The following QTRT2 variants were observed in gnomAD, a reference collection of about 807,000 sequenced individuals.
QTRT2 encodes the protein queuine tRNA-ribosyltransferase domain containing 1.
A neutral mutation model predicts 44.8 loss-of-function variants in QTRT2; 32 were observed. The observed-to-expected ratio is 0.71, with a 90% CI of 0.54 to 0.96. QTRT2 has a LOEUF of 0.96. Ranked by LOEUF, QTRT2 falls within the 40% of genes least tolerant of loss-of-function variation. The probability of loss-of-function intolerance (pLI) is 0.00; values close to 1 mark genes in which losing one functional copy is unlikely to be tolerated. For synonymous variants in QTRT2, 182 were observed against 187.4 expected (o/e 0.97, Z 0.24); for missense variants, 461 against 503.1 (o/e 0.92, Z 0.80).
rs558877598 is a variant in QTRT2, at chr3:114,086,388, G to A, written c.*484G>A. The A allele has an allele frequency of 9.0e-5, 15 of 167,136 alleles. No homozygotes were observed. The highest frequency in any genetic ancestry group is 1.6e-4 in the Non-Finnish European group (12 of 75,572). The allele number at this position is 167,136 out of a possible 1,614,324, so 10.4% of individuals were successfully genotyped here. A position where few individuals can be genotyped will look rare whatever the true frequency, so the allele number is the denominator to read the frequency against. Reference sequence around the variant, plus strand: ...TCAGGAGACTCTTCTGGATACTTTTGTCTTCCACCCTGCCCTGGCAGTGCA... The same window carrying A: ...TCAGGAGACTCTTCTGGATACTTTTATCTTCCACCCTGCCCTGGCAGTGCA... On this transcript the variant is annotated 3_prime_UTR_variant, in exon 10 of 10. Transcript: ENST00000281273.
Position 114,070,752 on chromosome 3 carries a change from G to A in QTRT2, c.460G>A (p.Ala154Thr), listed in dbSNP as rs753626152. The A allele has an allele frequency of 1.9e-6, 3 of 1,613,896 alleles. No homozygotes were observed. The highest frequency in any genetic ancestry group is 1.1e-5 in the South Asian group (1 of 91,082). The change falls in exon 6 of 10, where the codon GCA becomes ACA. Residue 154 changes from alanine (A) to threonine (T), a missense_variant. Coordinates refer to ENST00000281273, the MANE Select transcript of QTRT2 (RefSeq NM_024638.4). Reference sequence around the variant, plus strand: ...CGATGGAGAAGTATCTTGTAAGGAAGCAACTTCCATAAAAAGGGTCAGAAA... The same window carrying A: ...CGATGGAGAAGTATCTTGTAAGGAAACAACTTCCATAAAAAGGGTCAGAAA... ...LSDGEVSCKE[A>T]TSIKRVRKSV...
chr3:114,059,719 A>G lies in QTRT2; in HGVS notation c.-22+2613A>G, dbSNP rs555467469. 2.1e-3 allele frequency among the ~76,000 whole-genome samples: 327 copies of G among 152,286 alleles called. 2 individuals are homozygous for G. Among genetic ancestry groups the G allele is most frequent in the African/African-American group, 7.0e-3 (292 of 41,568 alleles). On this transcript the variant is annotated intron_variant, in intron 2 of 9. Coordinates refer to ENST00000281273, the MANE Select transcript of QTRT2 (RefSeq NM_024638.4). Reference sequence around the variant, plus strand: ...TCCCCACAAAACAGAATCACTGACCATGGCAGTTTATTTTAATACTTTTTC... The same window carrying G: ...TCCCCACAAAACAGAATCACTGACCGTGGCAGTTTATTTTAATACTTTTTC...
chr3:114,068,109 A>C (rs528445487), intron 5 of QTRT2, 46 bp downstream of exon 5: 1 of 1,507,302 alleles, frequency 6.6e-7, no homozygotes, highest in Admixed American at 1.7e-5. Context: ...TGTCCCAGGA[A>C]GTCAGCCTAT....
At chr3:114,079,374 T>G (rs2077133936) in intron 7 of QTRT2, 1 of 152,804 alleles carries the variant, frequency 6.5e-6, no homozygotes, top group African/African-American at 2.4e-5. Flanking sequence ...AAACCCCATC[T>G]CTACTAAAAA....
At chr3:114,063,953 G>A (rs1292905996) in intron 2 of QTRT2, among the ~76,000 whole-genome samples, 1 of 152,102 alleles carries the variant, frequency 6.6e-6, no homozygotes, top group African/African-American at 2.4e-5. Flanking sequence ...AGTGGCTCAT[G>A]CTTGTTACCT....
chr3:114,058,063 A>T (rs1245933692), intron 2 of QTRT2, among the ~76,000 whole-genome samples: 1 of 152,250 alleles, frequency 6.6e-6, no homozygotes, highest in African/African-American at 2.4e-5. Context: ...GCCTCAGTTT[A>T]TCATACATAA....
intron 2 of QTRT2, among the ~76,000 whole-genome samples, chr3:114,062,368 C>CAAAAAAAAAAAAAAAAAA (rs143192501): frequency 1.2e-5 from 1 of 86,178 alleles, no homozygotes; most frequent in Non-Finnish European, 2.3e-5. Flanking sequence ...GACCTTGTCT[C>CAAAAAAAAAAAAAAAAAA]AAAAAAAAAA....
At chr3:114,076,096 A>G (rs966317649) in intron 6 of QTRT2, among the ~76,000 whole-genome samples, 8 of 152,152 alleles carry the variant, frequency 5.3e-5, no homozygotes, top group Admixed American at 1.3e-4. Context: ...GCAGGCCTGG[A>G]TAGTCATTTC....
chr3:114,085,653 C>A lies in QTRT2; in HGVS notation c.1017-20C>A. 1 of 1,593,632 alleles carries A rather than the reference C, an allele frequency of 6.3e-7. No homozygotes were observed. The highest frequency in any genetic ancestry group is 1.1e-5 in the South Asian group (1 of 90,632). ...TTGTATTCCGTACTTTCTGGAATGT[C>A]ACTGTGACTTCTTTCTTAGGTACCA... On this transcript the variant is annotated intron_variant, in intron 9 of 9. Coordinates refer to ENST00000281273, the MANE Select transcript of QTRT2 (RefSeq NM_024638.4).
intron 4 of QTRT2, among the ~76,000 whole-genome samples, chr3:114,066,923 A>T (rs2076961635): frequency 6.6e-6 from 1 of 152,212 alleles, no homozygotes; most frequent in South Asian, 2.1e-4. Flanking sequence ...ATTATCCTTT[A>T]TTCCAGAAAT....
intron 6 of QTRT2, among the ~76,000 whole-genome samples, chr3:114,071,525 T>C (rs2077024094): frequency 6.6e-6 from 1 of 152,076 alleles, no homozygotes; most frequent in Non-Finnish European, 1.5e-5. Flanking sequence ...TCTTGAACTT[T>C]TGACCTTAGA....
At chr3:114,057,129 A>G (rs2076804891) in intron 2 of QTRT2, 23 bp downstream of exon 2, 1 of 1,250,754 alleles carries the variant, frequency 8.0e-7, no homozygotes, top group South Asian at 2.1e-5. Context: ...GGAAGTTTTT[A>G]TTCCGAACTG....
chr3:114,057,859 G>A (rs1288979006), intron 2 of QTRT2, among the ~76,000 whole-genome samples: 1 of 152,208 alleles, frequency 6.6e-6, no homozygotes, highest in African/African-American at 2.4e-5. Context: ...AGACTGGGAG[G>A]ATGGATTAGA....
At chr3:114,077,088 A>G in intron 7 of QTRT2, 146 bp downstream of exon 7, 1 of 718,984 alleles carries the variant, frequency 1.4e-6, no homozygotes, top group Non-Finnish European at 2.3e-6. Flanking sequence ...TGAGGTGCTG[A>G]GGCAGACTGT....
chr3:114,082,320 C>A (rs1197163967), intron 8 of QTRT2, among the ~76,000 whole-genome samples: 2 of 151,958 alleles, frequency 1.3e-5, no homozygotes, highest in Non-Finnish European at 2.9e-5. Context: ...TGACCTCAGG[C>A]AATTCTCCTG....
At position 114,068,068 on chromosome 3, in the gene QTRT2, GT is replaced by G; in HGVS notation, c.333+9del. 6.2e-7 allele frequency: 1 copy of G among 1,613,112 alleles called. No homozygotes were observed. ...GCTGGTTATGTAACAAACAAGGTGTGTTTTCAGAAGGGTCTCCAAGGCTGCA... is the reference window on the plus strand; with the variant it reads ...GCTGGTTATGTAACAAACAAGGTGTGTTTCAGAAGGGTCTCCAAGGCTGCA... On this transcript the variant is annotated splice_donor_region_variant and intron_variant, in intron 5 of 9. Transcript: ENST00000281273.
At chr3:114,057,193 C>T (rs1267109889) in intron 2 of QTRT2, 87 bp downstream of exon 2, 2 of 577,662 alleles carry the variant, frequency 3.5e-6, no homozygotes, top group Non-Finnish European at 4.9e-6. Flanking sequence ...CTAGGGAGGT[C>T]TGGGGCCATG....
chr3:114,075,949 A>G (rs1393845759), intron 6 of QTRT2, among the ~76,000 whole-genome samples: 3 of 152,138 alleles, frequency 2.0e-5, no homozygotes, highest in East Asian at 1.9e-4. Context: ...TATTAGGTCC[A>G]TTGAATTTGT....
rs1488328267 is a variant in QTRT2 at position 114,082,726 on chromosome 3, A to G, written c.948A>G (p.Ile316Met). 2.6e-6 allele frequency: 4 copies of G among 1,538,000 alleles called. No homozygotes were observed. Among genetic ancestry groups the G allele is most frequent in the Non-Finnish European group, 3.6e-6 (4 of 1,124,536 alleles). ...AAGAAATAAAATGTATGGATCAAAT[A>G]AAGAAAATTGAAACAACTGGTTGCA... ...TQEEIKCMDQ[I>M]KKIETTGCNQ... The change falls in exon 9 of 10, where the codon ATA becomes ATG. Residue 316 changes from isoleucine to methionine, a missense_variant. Transcript: ENST00000281273.
Sources: gnomAD v4.1 joint callset for allele counts (sites outside exome capture counted in the v4.1 genomes callset) on GRCh38, gnomAD v4.1.1 for gene constraint, MANE v1.5 for transcripts, NCBI Gene and HGNC (gene_info 2026-07-23, HGNC 2026-07-21) for gene names.